Variants in ZNF473 observed in about 807,000 individuals in gnomAD.
The protein encoded by ZNF473 is zinc finger protein 100 homolog.
In ZNF473, 4 loss-of-function variants were observed where a neutral mutation model predicts 11.1. That is an observed-to-expected ratio of 0.36 (90% confidence interval 0.18 to 0.82). The LOEUF (loss-of-function observed/expected upper bound fraction) is 0.82, where lower values mean the gene tolerates loss of function less well. ZNF473 is among the 40% of genes least tolerant of loss of function. The probability of loss-of-function intolerance (pLI) is 0.49; values close to 1 mark genes in which losing one functional copy is unlikely to be tolerated. For synonymous variants in ZNF473, 404 were observed against 390.4 expected (o/e 1.03, Z -0.41); for missense variants, 854 against 1,084.0 (o/e 0.79, Z 2.98).
intron 2 of ZNF473, among the ~76,000 whole-genome samples, chr19:50,037,690 C>T (rs1379565433): frequency 6.6e-6 from 1 of 151,294 alleles, no homozygotes; most frequent in Non-Finnish European, 1.5e-5. Context: ...GGTCTGGTGG[C>T]ACAAGCCTGT....
Position 50,047,172 on chromosome 19 carries a change from G to A in ZNF473, c.*113G>A. ...AATAAATGCATCTAAAGATTGATTA[G>A]AAAGTTTGTGCGCATGTTTTTCATT... On this transcript the variant is annotated 3_prime_UTR_variant, in exon 5 of 5. Transcript: ENST00000270617. The A allele has an allele frequency of 1.1e-6, 1 of 908,680 alleles. No individual in the cohort carries two copies. Among genetic ancestry groups the A allele is most frequent in the Non-Finnish European group, 1.6e-6 (1 of 616,188 alleles). 56.3% of individuals were successfully genotyped at this position (908,680 alleles called of 1,614,324 possible). A position where few individuals can be genotyped will look rare whatever the true frequency, so the allele number is the denominator to read the frequency against.
Position 50,048,390 on chromosome 19 carries a change from G to A in ZNF473, c.*1331G>A, listed in dbSNP as rs928658566. Reference sequence around the variant, plus strand: ...TTTAGGTGCTGAAAATGGTGAGGGAGTGAGTGCTCTGCACCCTTGGGCTTT... The same window carrying A: ...TTTAGGTGCTGAAAATGGTGAGGGAATGAGTGCTCTGCACCCTTGGGCTTT... On this transcript the variant is annotated 3_prime_UTR_variant, in exon 5 of 5. Transcript: ENST00000270617. 2.6e-5 allele frequency: 4 copies of A among 152,258 alleles called. No homozygotes were observed. Among genetic ancestry groups the A allele is most frequent in the Non-Finnish European group, 5.9e-5 (4 of 68,044 alleles). 9.4% of individuals were successfully genotyped at this position (152,258 alleles called of 1,614,324 possible).
chr19:50,048,252 C>T lies in ZNF473; in HGVS notation c.*1193C>T, dbSNP rs148251444. The T allele has an allele frequency of 6.6e-6, 1 of 152,380 alleles. No individual in the cohort carries two copies. Among genetic ancestry groups the T allele is most frequent in the Non-Finnish European group, 1.5e-5 (1 of 68,040 alleles). The allele number at this position is 152,380 out of a possible 1,614,324, so 9.4% of individuals were successfully genotyped here. A position where few individuals can be genotyped will look rare whatever the true frequency, so the allele number is the denominator to read the frequency against. On this transcript the variant is annotated 3_prime_UTR_variant, in exon 5 of 5. Transcript: ENST00000270617. ...CACACAACCAGTTCCCTACCAGTGTCTTGTCAGCTCTGGGTGTTTGTTCCC... is the reference window on the plus strand; with the variant it reads ...CACACAACCAGTTCCCTACCAGTGTTTTGTCAGCTCTGGGTGTTTGTTCCC...
At chr19:50,028,682 G>A (rs1433312368) in intron 1 of ZNF473, among the ~76,000 whole-genome samples, 1 of 152,082 alleles carries the variant, frequency 6.6e-6, no homozygotes, top group East Asian at 1.9e-4. Context: ...TAGACCCAAT[G>A]TTGCCAAATC....
At position 50,044,912 on chromosome 19, in the gene ZNF473, A is replaced by G. The variant is rs140076019; in HGVS notation, c.469A>G (p.Ser157Gly). ...CKSHELKRGL[S>G]PVSTVSTGED... ...GAGTCATGAATTAAAGAGAGGACTC[A>G]GTCCTGTGTCCACCGTTTCCACGGG... Residue 157 changes from serine to glycine, a missense_variant, in exon 5 of 5, where the codon AGT (serine) becomes GGT (glycine). By Grantham distance (56) the Ser-to-Gly change is moderately conservative (BLOSUM62 0). Coordinates refer to ENST00000270617, the MANE Select transcript of ZNF473 (RefSeq NM_015428.4). The G allele has an allele frequency of 2.3e-5, 37 of 1,614,140 alleles. No homozygotes were observed. Among genetic ancestry groups the G allele is most frequent in the African/African-American group, 1.9e-4 (14 of 74,944 alleles).
chr19:50,039,046 TG>T lies in ZNF473; in HGVS notation c.10-112del. 1.5e-6 allele frequency: 2 copies of T among 1,315,696 alleles called. No individual in the cohort carries two copies. The highest frequency in any genetic ancestry group is 2.1e-6 in the Non-Finnish European group (2 of 936,950). 81.5% of individuals were successfully genotyped at this position (1,315,696 alleles called of 1,614,324 possible). A position where few individuals can be genotyped will look rare whatever the true frequency, so the allele number is the denominator to read the frequency against. ...CTCAAGATTCTTGTGAGGCTGAGGATGGGATGGTTTTTGCCAAAGCCCTGGC... is the reference window on the plus strand; with the variant it reads ...CTCAAGATTCTTGTGAGGCTGAGGATGGATGGTTTTTGCCAAAGCCCTGGC... On this transcript the variant is annotated intron_variant, in intron 2 of 4. Coordinates refer to ENST00000270617, the MANE Select transcript of ZNF473 (RefSeq NM_015428.4). The surrounding 1 kb of genome is among the most constrained non-coding windows in gnomAD (Gnocchi z 4.8).
At chr19:50,033,546 C>T (rs983804003) in intron 2 of ZNF473, among the ~76,000 whole-genome samples, 3 of 152,188 alleles carry the variant, frequency 2.0e-5, no homozygotes, top group African/African-American at 4.8e-5. Flanking sequence ...TGCTTAGCAT[C>T]ACCACTGGGA....
Position 50,039,809 on chromosome 19 carries a change from C to T in ZNF473, c.136+522C>T, listed in dbSNP as rs549217417. Among the ~76,000 whole-genome samples the T allele has an allele frequency of 2.0e-5, 3 of 152,218 alleles. No homozygotes were observed. Among genetic ancestry groups the T allele is most frequent in the Admixed American group, 6.5e-5 (1 of 15,288 alleles). ...CTCCTCTCCTACTCATCTTGTCTGTCGCTCCCTCACGTTCTAACTACCATT... is the reference window on the plus strand; with the variant it reads ...CTCCTCTCCTACTCATCTTGTCTGTTGCTCCCTCACGTTCTAACTACCATT... On this transcript the variant is annotated intron_variant, in intron 3 of 4. Transcript: ENST00000270617. This position sits in a 1 kb window ranked among gnomAD's most constrained non-coding sequence, Gnocchi z 4.8.
chr19:50,046,804 A>G lies in ZNF473; in HGVS notation c.2361A>G (p.Arg787=). The change falls in exon 5 of 5, where the codon AGA becomes AGG. Residue 787 remains arginine, a synonymous_variant. Transcript: ENST00000270617. This position sits in a 1 kb window ranked among gnomAD's most constrained non-coding sequence, Gnocchi z 5.9. ...TTCACACTGGGGAGAAGCCCTACAG[A>G]TGTGGTGAATGTGGGAAAGCCTTTG... ...RRVHTGEKPY[R]CGECGKAFAQ... 6.2e-7 allele frequency: 1 copy of G among 1,614,146 alleles called. No homozygotes were observed. The highest frequency in any genetic ancestry group is 1.6e-4 in the Middle Eastern group (1 of 6,062).
At chr19:50,043,448 A>AATATAT (rs68083079) in intron 4 of ZNF473, 22 of 107,882 alleles carry the variant, frequency 2.0e-4, no homozygotes, top group African/African-American at 6.3e-4. Flanking sequence ...AAAAAAAAAA[A>AATATAT]ATATATATAT....
rs1978653373 is a variant in ZNF473, at chr19:50,039,446, T to C, written c.136+159T>C. Among the ~76,000 whole-genome samples the C allele has an allele frequency of 6.6e-6, 1 of 152,128 alleles. No homozygotes were observed. ...GCTGGCCGAGGAGACATTGGCAATG[T>C]GTGGAGACATTTTTGATTGTTACTC... On this transcript the variant is annotated intron_variant, in intron 3 of 4. Coordinates refer to ENST00000270617, the MANE Select transcript of ZNF473 (RefSeq NM_015428.4). The surrounding 1 kb of genome is among the most constrained non-coding windows in gnomAD (Gnocchi z 4.8).
At position 50,048,439 on chromosome 19, in the gene ZNF473, G is replaced by C. The variant is rs1245143839; in HGVS notation, c.*1380G>C. 1 of 152,224 alleles carries C rather than the reference G, an allele frequency of 6.6e-6. No homozygotes were observed. The highest frequency in any genetic ancestry group is 2.4e-5 in the African/African-American group (1 of 41,456). 9.4% of individuals were successfully genotyped at this position (152,224 alleles called of 1,614,324 possible). A position where few individuals can be genotyped will look rare whatever the true frequency, so the allele number is the denominator to read the frequency against. On this transcript the variant is annotated 3_prime_UTR_variant, in exon 5 of 5. Transcript: ENST00000270617. ...TTTCAACTCTTGCACCTGGAGTTCT[G>C]CTGGTTAAGTTTGTTAAACTTAGTT... is the stretch of plus-strand genomic sequence containing the variant.
At chr19:50,028,579 C>T (rs1489021579) in intron 1 of ZNF473, among the ~76,000 whole-genome samples, 1 of 151,996 alleles carries the variant, frequency 6.6e-6, no homozygotes, top group Admixed American at 6.6e-5. Context: ...ACCTTTCAGC[C>T]TCCCAAAGTG....
intron 4 of ZNF473, among the ~76,000 whole-genome samples, chr19:50,044,138 A>G (rs900384759): frequency 3.3e-5 from 5 of 152,110 alleles, no homozygotes; most frequent in East Asian, 1.9e-4. Flanking sequence ...CAGGAGACCA[A>G]TGAGCAGCCT....
chr19:50,029,011 A>G (rs1600748844), intron 1 of ZNF473, among the ~76,000 whole-genome samples: 2 of 152,340 alleles, frequency 1.3e-5, no homozygotes, highest in South Asian at 4.1e-4. Context: ...TACCTGAACT[A>G]CTACAGGGTA....
chr19:50,045,706 T>A lies in ZNF473; in HGVS notation c.1263T>A (p.His421Gln). The A allele has an allele frequency of 6.2e-7, 1 of 1,614,092 alleles. No individual in the cohort carries two copies. The highest frequency in any genetic ancestry group is 8.5e-7 in the Non-Finnish European group (1 of 1,180,008). ...SFRHNSTLKI[H>Q]QRVHSGEKPY... ...GGCATAACTCTACCCTAAAGATCCA[T>A]CAGAGGGTTCACAGTGGAGAGAAGC... Residue 421 changes from histidine (H) to glutamine (Q), a missense_variant, in exon 5 of 5, where the codon CAT (histidine) becomes CAA (glutamine). By Grantham distance (24) the His-to-Gln change is conservative. Coordinates refer to ENST00000270617, the MANE Select transcript of ZNF473 (RefSeq NM_015428.4).
intron 2 of ZNF473, among the ~76,000 whole-genome samples, 172 bp downstream of exon 2, chr19:50,031,263 G>A (rs17661933): frequency 0.06 from 9,160 of 152,160 alleles, 310 homozygotes; most frequent in Middle Eastern, 0.11. Context: ...GCTCCCAGGC[G>A]ATCTTTTTTA....
Position 50,039,429 on chromosome 19 carries a change from A to C in ZNF473, c.136+142A>C, listed in dbSNP as rs1162352371. The C allele has an allele frequency of 8.6e-7, 1 of 1,157,726 alleles. No individual in the cohort carries two copies. The highest frequency in any genetic ancestry group is 1.2e-6 in the Non-Finnish European group (1 of 828,130). The allele number at this position is 1,157,726 out of a possible 1,614,324, so 71.7% of individuals were successfully genotyped here. A position where few individuals can be genotyped will look rare whatever the true frequency, so the allele number is the denominator to read the frequency against. ...TAGCCCAGCAGTTCTCAGCTGGCCGAGGAGACATTGGCAATGTGTGGAGAC... is the reference window on the plus strand; with the variant it reads ...TAGCCCAGCAGTTCTCAGCTGGCCGCGGAGACATTGGCAATGTGTGGAGAC... On this transcript the variant is annotated intron_variant, in intron 3 of 4. Coordinates refer to ENST00000270617, the MANE Select transcript of ZNF473 (RefSeq NM_015428.4). The surrounding 1 kb of genome is among the most constrained non-coding windows in gnomAD (Gnocchi z 4.8).
chr19:50,037,947 G>T (rs1423127459), intron 2 of ZNF473, among the ~76,000 whole-genome samples: 1 of 151,076 alleles, frequency 6.6e-6, no homozygotes, highest in East Asian at 1.9e-4. Context: ...TAAAAGGAGA[G>T]TCAAGCATTT....
Sources: gnomAD v4.1 joint callset for allele counts (sites outside exome capture counted in the v4.1 genomes callset) on GRCh38, gnomAD v4.1.1 for gene constraint, Gnocchi (gnomAD v3.1) non-coding constraint, MANE v1.5 for transcripts, NCBI Gene and HGNC (gene_info 2026-07-23, HGNC 2026-07-21) for gene names.